Variants in RAI1 observed in about 807,000 individuals in gnomAD.
RAI1 encodes retinoic acid-induced protein 1.
Under a neutral mutation model 123.8 loss-of-function variants are expected in RAI1, and 9 were observed. The observed-to-expected ratio is 0.07, with a 90% confidence interval of 0.04 to 0.13. The LOEUF (loss-of-function observed/expected upper bound fraction) is 0.13. Ranked by LOEUF, RAI1 falls within the 10% of genes least tolerant of loss-of-function variation. The pLI is 1.00. For missense variants in RAI1, 2,256 were observed against 2,545.8 expected (o/e 0.89, Z 2.45); for synonymous variants, 1,231 against 1,127.3 (o/e 1.09, Z -1.84).
chr17:17,715,957 C>T (rs1007830973), intron 1 of RAI1, among the ~76,000 whole-genome samples: 2 of 152,226 alleles, frequency 1.3e-5, no homozygotes, highest in Non-Finnish European at 2.9e-5. Flanking sequence ...CACACTGTTA[C>T]CCATTTTGCA....
At chr17:17,767,597 T>A (rs2030988010) in intron 2 of RAI1, among the ~76,000 whole-genome samples, 1 of 152,198 alleles carries the variant, frequency 6.6e-6, no homozygotes. Context: ...TCATGAGCAT[T>A]TGGCAGGTCA....
rs2032666690 is a variant in RAI1 at position 17,809,577 on chromosome 17, C to T, written c.5709+138C>T. ...CCAGCCCTAGGGGAGGGAGCTCTCCCCGCCCACCCCCAGGAGCCCCCGCCG... is the reference window on the plus strand; with the variant it reads ...CCAGCCCTAGGGGAGGGAGCTCTCCTCGCCCACCCCCAGGAGCCCCCGCCG... On this transcript the variant is annotated intron_variant, in intron 5 of 5. Transcript: ENST00000353383. This position sits in a 1 kb window ranked among gnomAD's most constrained non-coding sequence, Gnocchi z 4.9. 47 of 929,094 alleles carry T rather than the reference C, an allele frequency of 5.1e-5. 1 individual carries two copies. The South Asian group carries it at 6.3e-4, about 12-fold the overall frequency. 57.6% of individuals were successfully genotyped at this position (929,094 alleles called of 1,614,324 possible).
chr17:17,719,866 A>C (rs547909559), intron 1 of RAI1, among the ~76,000 whole-genome samples: 6 of 152,270 alleles, frequency 3.9e-5, no homozygotes, highest in South Asian at 2.1e-4. Context: ...AGATACATAG[A>C]GATTTGAAGT....
intron 2 of RAI1, among the ~76,000 whole-genome samples, chr17:17,790,352 C>T (rs1156669121): frequency 2.0e-5 from 3 of 152,210 alleles, no homozygotes; most frequent in African/African-American, 7.2e-5. Flanking sequence ...TGCCTGCATT[C>T]TCCATCAGCA....
rs1247821415 is a variant in RAI1, at chr17:17,714,002, C to T, written c.-148-10026C>T. Among the ~76,000 whole-genome samples the T allele has an allele frequency of 3.9e-5, 6 of 152,112 alleles. No homozygotes were observed. The highest frequency in any genetic ancestry group is 7.4e-5 in the Non-Finnish European group (5 of 68,020). ...TCACAGGACCAGAGATCCCAGCGGC[C>T]CTCCCCTGGAGAGTGTCCCAGCCGC... On this transcript the variant is annotated intron_variant, in intron 1 of 5. Transcript: ENST00000353383. This position sits in a 1 kb window ranked among gnomAD's most constrained non-coding sequence, Gnocchi z 4.9.
Position 17,793,904 on chromosome 17 carries a change from A to G in RAI1, c.956A>G (p.Gln319Arg). Reference sequence around the variant, plus strand: ...TATCAGCACTACGGGCAGCAAGGCCAGGGCTACTGCCAGCCGGACGCAGCC... The same window carrying G: ...TATCAGCACTACGGGCAGCAAGGCCGGGGCTACTGCCAGCCGGACGCAGCC... ...AKYQHYGQQG[Q>R]GYCQPDAAVR... Residue 319 changes from glutamine to arginine, a missense_variant, in exon 3 of 6, where the codon CAG becomes CGG. By Grantham distance (43) the Gln-to-Arg change is conservative (BLOSUM62 1). Coordinates refer to ENST00000353383, the MANE Select transcript of RAI1 (RefSeq NM_030665.4). The G allele has an allele frequency of 6.2e-7, 1 of 1,613,928 alleles. No individual in the cohort carries two copies. The highest frequency in any genetic ancestry group is 1.3e-5 in the African/African-American group (1 of 75,044).
chr17:17,784,258 C>G (rs576045144), intron 2 of RAI1, among the ~76,000 whole-genome samples: 1 of 152,302 alleles, frequency 6.6e-6, no homozygotes, highest in East Asian at 1.9e-4. Flanking sequence ...TGCTGTGCCT[C>G]CCCGGCTGTC....
chr17:17,753,056 A>G (rs756561106), intron 2 of RAI1, among the ~76,000 whole-genome samples: 2 of 152,230 alleles, frequency 1.3e-5, no homozygotes, highest in Admixed American at 6.5e-5. Context: ...CTTCAGACCC[A>G]GACACAGAAG....
chr17:17,809,371 A>C lies in RAI1; in HGVS notation c.5660-19A>C, dbSNP rs2032660062. Reference sequence around the variant, plus strand: ...GCCCCCACCCTGTCCTAACCACCGAAACTTCTCTTTGGTCACAGGTTGCAT... The same window carrying C: ...GCCCCCACCCTGTCCTAACCACCGACACTTCTCTTTGGTCACAGGTTGCAT... On this transcript the variant is annotated intron_variant, in intron 4 of 5. Coordinates refer to ENST00000353383, the MANE Select transcript of RAI1 (RefSeq NM_030665.4). The surrounding 1 kb of genome is among the most constrained non-coding windows in gnomAD (Gnocchi z 4.9). 6.2e-7 allele frequency: 1 copy of C among 1,600,508 alleles called. No homozygotes were observed. The highest frequency in any genetic ancestry group is 8.6e-7 in the Non-Finnish European group (1 of 1,167,926).
rs774492062 is a variant in RAI1, at chr17:17,795,720, C to T, written c.2772C>T (p.Ser924=). ...CTCCGTGCCACCTCTCAGGGGAGTC[C>T]GTCATCCTGCTGGGCCCTACAGTGG... The part of the protein sequence containing the change: ...WGSPCHLSGE[S]VILLGPTVGT... The change falls in exon 3 of 6, where the codon TCC becomes TCT. Residue 924 remains serine, a synonymous_variant. Transcript: ENST00000353383. This position sits in a 1 kb window ranked among gnomAD's most constrained non-coding sequence, Gnocchi z 5.9. 7.4e-6 allele frequency: 12 copies of T among 1,613,254 alleles called. No individual in the cohort carries two copies. Among genetic ancestry groups the T allele is most frequent in the Admixed American group, 3.3e-5 (2 of 60,004 alleles).
Position 17,798,103 on chromosome 17 carries a change from C to G in RAI1, c.5155C>G (p.Leu1719Val). The G allele has an allele frequency of 6.2e-7, 1 of 1,614,016 alleles. No homozygotes were observed. Among genetic ancestry groups the G allele is most frequent in the South Asian group, 1.1e-5 (1 of 91,088 alleles). The change falls in exon 3 of 6, where the codon CTC (leucine) becomes GTC (valine). Residue 1719 changes from leucine to valine, a missense_variant. Physicochemically the swap from Leu to Val is conservative, Grantham distance 32 (BLOSUM62 1). Coordinates refer to ENST00000353383, the MANE Select transcript of RAI1 (RefSeq NM_030665.4). Reference protein sequence around the residue: ...EHCLPKKKPKLKEKVRPEGTC... With the variant: ...EHCLPKKKPKVKEKVRPEGTC... Reference sequence around the variant, plus strand: ...CTGCCTCCCCAAAAAGAAGCCAAAACTCAAGGAGAAGGTGCGGCCAGAAGG... The same window carrying G: ...CTGCCTCCCCAAAAAGAAGCCAAAAGTCAAGGAGAAGGTGCGGCCAGAAGG...
chr17:17,721,464 C>G (rs1412266726), intron 1 of RAI1, among the ~76,000 whole-genome samples: 1 of 152,148 alleles, frequency 6.6e-6, no homozygotes, highest in Non-Finnish European at 1.5e-5. Flanking sequence ...GTGCAAAGGT[C>G]CTAAGGTGAG....
rs141719449 is a variant in RAI1, at chr17:17,794,082, C to T, written c.1134C>T (p.Ser378=). The T allele has an allele frequency of 4.2e-5, 68 of 1,614,110 alleles. No individual in the cohort carries two copies. In the African/African-American group the frequency reaches 6.7e-4, roughly 16 times the overall value. The part of the protein sequence containing the change: ...ENFPYSQQPL[S]TGAFPAGITD... Reference sequence around the variant, plus strand: ...TTCCCTACAGCCAGCAGCCGCTCAGCACCGGGGCCTTCCCCGCAGGGATCA... The same window carrying T: ...TTCCCTACAGCCAGCAGCCGCTCAGTACCGGGGCCTTCCCCGCAGGGATCA... The change falls in exon 3 of 6, where the codon AGC becomes AGT. Residue 378 remains serine, a synonymous_variant. Coordinates refer to ENST00000353383, the MANE Select transcript of RAI1 (RefSeq NM_030665.4).
In RAI1 at chr17:17,798,173, G is replaced by T. The variant is rs558768145; in HGVS notation, c.5225G>T (p.Gly1742Val). The change falls in exon 3 of 6, where the codon GGT (glycine) becomes GTT (valine). Residue 1742 changes from glycine (G) to valine (V), a missense_variant. Coordinates refer to ENST00000353383, the MANE Select transcript of RAI1 (RefSeq NM_030665.4). ...CTGCCGCTTGAGAGAACACTCAAAGGTCCCGAGTGTGCAGCTGCCGCCACT... is the reference window on the plus strand; with the variant it reads ...CTGCCGCTTGAGAGAACACTCAAAGTTCCCGAGTGTGCAGCTGCCGCCACT... ...ASLPLERTLK[G>V]PECAAAATAG... The T allele has an allele frequency of 3.1e-6, 5 of 1,612,966 alleles. No homozygotes were observed. Among genetic ancestry groups the T allele is most frequent in the African/African-American group, 2.7e-5 (2 of 75,074 alleles).
chr17:17,724,966 C>T (rs1014805033), intron 2 of RAI1, among the ~76,000 whole-genome samples: 1 of 149,992 alleles, frequency 6.7e-6, no homozygotes, highest in Non-Finnish European at 1.5e-5. Flanking sequence ...GTCGAGTGGC[C>T]AGGCTGACAA....
intron 2 of RAI1, among the ~76,000 whole-genome samples, chr17:17,727,955 C>T (rs955069429): frequency 3.3e-5 from 5 of 151,990 alleles, no homozygotes; most frequent in Admixed American, 1.3e-4. Flanking sequence ...TGCAGCACAC[C>T]AACCATCCGT....
chr17:17,789,303 AG>A (rs920401556), intron 2 of RAI1, among the ~76,000 whole-genome samples: 19 of 152,286 alleles, frequency 1.2e-4, no homozygotes, highest in Middle Eastern at 3.4e-3. Flanking sequence ...TTTTCTGTAA[AG>A]GGGGAGGAGA....
intron 2 of RAI1, among the ~76,000 whole-genome samples, chr17:17,770,099 G>A (rs532484205): frequency 1.4e-4 from 22 of 152,208 alleles, no homozygotes; most frequent in African/African-American, 4.8e-4. Flanking sequence ...TGGGAGGGGC[G>A]GGAGGATGAG....
chr17:17,766,407 C>G (rs977003986), intron 2 of RAI1: 2 of 152,162 alleles, frequency 1.3e-5, no homozygotes, highest in African/African-American at 4.8e-5. Context: ...GGCTTTGATG[C>G]GAGCCACCAC....
Sources: gnomAD v4.1 joint callset for allele counts (sites outside exome capture counted in the v4.1 genomes callset) on GRCh38, gnomAD v4.1.1 for gene constraint, Gnocchi (gnomAD v3.1) non-coding constraint, MANE v1.5 for transcripts, NCBI Gene and HGNC (gene_info 2026-07-23, HGNC 2026-07-21) for gene names.